The following SCN10A variants were observed in gnomAD, a reference collection of about 807,000 sequenced individuals.
SCN10A encodes the protein sodium channel protein type 10 subunit alpha.
A neutral mutation model predicts 170.7 loss-of-function variants in SCN10A; 162 were observed. The observed-to-expected ratio is 0.95, with a 90% confidence interval of 0.84 to 1.08. The LOEUF (loss-of-function observed/expected upper bound fraction) is 1.08, where lower values mean the gene tolerates loss of function less well. Ranked by LOEUF, SCN10A falls within the 50% of genes least tolerant of loss-of-function variation. The probability of loss-of-function intolerance (pLI) is 0.00; values close to 1 mark genes in which losing one functional copy is unlikely to be tolerated. For missense variants in SCN10A, 2,527 were observed against 2,436.9 expected (o/e 1.04, Z -0.78); for synonymous variants, 985 against 904.6 (o/e 1.09, Z -1.59).
At chr3:38,745,258 C>T (rs2063674197) in intron 13 of SCN10A, among the ~76,000 whole-genome samples, 1 of 152,102 alleles carries the variant, frequency 6.6e-6, no homozygotes, top group South Asian at 2.1e-4. Flanking sequence ...AAAAGGATCT[C>T]CTATATAAAA....
At chr3:38,715,690 C>G (rs572703392) in intron 21 of SCN10A, among the ~76,000 whole-genome samples, 6 of 152,296 alleles carry the variant, frequency 3.9e-5, no homozygotes, top group Admixed American at 1.3e-4. Context: ...CTCAACCACC[C>G]CACCCCAAGA....
At chr3:38,700,025 C>T (rs533576361) in intron 27 of SCN10A, among the ~76,000 whole-genome samples, 1 of 152,184 alleles carries the variant, frequency 6.6e-6, no homozygotes, top group East Asian at 1.9e-4. Context: ...TGTTTTATTT[C>T]TATATTACTG....
At chr3:38,775,757 G>A (rs1170264663) in intron 4 of SCN10A, among the ~76,000 whole-genome samples, 1 of 152,122 alleles carries the variant, frequency 6.6e-6, no homozygotes, top group Non-Finnish European at 1.5e-5. Context: ...TTAAATGCCA[G>A]TCACATTATA....
At chr3:38,729,160 T>C (rs2063489486) in intron 15 of SCN10A, among the ~76,000 whole-genome samples, 1 of 152,158 alleles carries the variant, frequency 6.6e-6, no homozygotes, top group Non-Finnish European at 1.5e-5. Context: ...ACTGGGGTGG[T>C]GGCCTTGCGA....
chr3:38,750,064 A>G lies in SCN10A; in HGVS notation c.1867+9T>C. 6.7e-7 allele frequency: 1 copy of G among 1,488,958 alleles called. No individual in the cohort carries two copies. Among genetic ancestry groups the G allele is most frequent in the South Asian group, 1.1e-5 (1 of 87,914 alleles). The allele number at this position is 1,488,958 out of a possible 1,614,324, so 92.2% of individuals were successfully genotyped here. A position where few individuals can be genotyped will look rare whatever the true frequency, so the allele number is the denominator to read the frequency against. Reference sequence around the variant, plus strand: ...ACAGTGGATGAACAATGCAGTGAGCAGCACTTACCCTCAAGGACGGAGGTT... The same window carrying G: ...ACAGTGGATGAACAATGCAGTGAGCGGCACTTACCCTCAAGGACGGAGGTT... On this transcript the variant is annotated intron_variant, in intron 13 of 27. Transcript: ENST00000449082.
intron 21 of SCN10A, among the ~76,000 whole-genome samples, chr3:38,716,512 C>T (rs776449588): frequency 2.0e-5 from 3 of 152,172 alleles, no homozygotes; most frequent in South Asian, 2.1e-4. Flanking sequence ...CTTCCCCAGC[C>T]ATGTGAAGCT....
intron 26 of SCN10A, among the ~76,000 whole-genome samples, chr3:38,706,182 T>G (rs1315244375): frequency 6.6e-6 from 1 of 152,236 alleles, no homozygotes. Flanking sequence ...TCATCACTTT[T>G]TTCTCTTGTA....
In SCN10A at chr3:38,698,246, G is replaced by A; in HGVS notation, c.4974C>T (p.Thr1658=). ...GGAGGCCATCCCAGCCGGCCGACGTGGTAATCTGGAAGAGGCACAGCATGC... is the reference window on the plus strand; with the variant it reads ...GGAGGCCATCCCAGCCGGCCGACGTAGTAATCTGGAAGAGGCACAGCATGC... ...ANSMLCLFQI[T]TSAGWDGLLS... is the part of the protein sequence containing the mutation. Residue 1658 remains threonine (T), a synonymous_variant, in exon 28 of 28, where the codon ACC becomes ACT. Transcript: ENST00000449082. The A allele has an allele frequency of 6.2e-7, 1 of 1,614,086 alleles. No individual in the cohort carries two copies. The highest frequency in any genetic ancestry group is 8.5e-7 in the Non-Finnish European group (1 of 1,180,008).
intron 13 of SCN10A, among the ~76,000 whole-genome samples, chr3:38,745,134 A>G (rs144663135): frequency 7.2e-4 from 110 of 152,302 alleles, no homozygotes; most frequent in Middle Eastern, 3.4e-3. Flanking sequence ...CATGATGGGA[A>G]AAGAGAGGCA....
chr3:38,762,396 T>C (rs2063884191), intron 6 of SCN10A, among the ~76,000 whole-genome samples: 1 of 151,778 alleles, frequency 6.6e-6, no homozygotes, highest in Admixed American at 6.6e-5. Context: ...GTGAGGAAGG[T>C]GGGAAAACCA....
At chr3:38,746,081 A>ATG (rs2063685935) in intron 13 of SCN10A, among the ~76,000 whole-genome samples, 8 of 93,160 alleles carry the variant, frequency 8.6e-5, no homozygotes, top group African/African-American at 2.1e-4. Flanking sequence ...ATATATATAT[A>ATG]TATATATATA....
intron 3 of SCN10A, among the ~76,000 whole-genome samples, chr3:38,791,371 A>G (rs73064564): frequency 0.11 from 16,045 of 152,210 alleles, 949 homozygotes; most frequent in Non-Finnish European, 0.12. Flanking sequence ...TTCTGACATT[A>G]CCTAAAACAA....
chr3:38,808,096 G>A (rs374027504), intron 1 of SCN10A, among the ~76,000 whole-genome samples: 5 of 152,038 alleles, frequency 3.3e-5, no homozygotes, highest in Non-Finnish European at 5.9e-5. Flanking sequence ...CATTCACATG[G>A]CACATAAGGC....
At chr3:38,785,267 C>G (rs2064184875) in intron 4 of SCN10A, among the ~76,000 whole-genome samples, 1 of 152,186 alleles carries the variant, frequency 6.6e-6, no homozygotes, top group African/African-American at 2.4e-5. Context: ...CAGCGAGGTA[C>G]TGGTACCAAA....
At chr3:38,781,234 C>T (rs998299719) in intron 4 of SCN10A, among the ~76,000 whole-genome samples, 2 of 152,030 alleles carry the variant, frequency 1.3e-5, no homozygotes, top group African/African-American at 4.8e-5. Flanking sequence ...GAAGAAGCTC[C>T]AAAGCACTTC....
At chr3:38,705,036 T>A (rs532031683) in intron 26 of SCN10A, among the ~76,000 whole-genome samples, 5 of 152,310 alleles carry the variant, frequency 3.3e-5, no homozygotes, top group African/African-American at 9.6e-5. Flanking sequence ...CATGTGGGTG[T>A]CAAAGATGTT....
At chr3:38,789,072 C>A (rs765540362) in intron 3 of SCN10A, 36 bp from the exon 4 acceptor site, 4 of 1,224,158 alleles carry the variant, frequency 3.3e-6, no homozygotes, top group East Asian at 4.7e-5. Flanking sequence ...CTGAGATCAC[C>A]AAGTCTCTGT....
chr3:38,806,565 C>A (rs1432096551), intron 1 of SCN10A, among the ~76,000 whole-genome samples: 1 of 152,104 alleles, frequency 6.6e-6, no homozygotes, highest in Non-Finnish European at 1.5e-5. Flanking sequence ...CTTTTGAATT[C>A]TTTGACCCTC....
chr3:38,808,163 T>TC (rs1374171556), intron 1 of SCN10A, among the ~76,000 whole-genome samples: 1 of 152,058 alleles, frequency 6.6e-6, no homozygotes, highest in African/African-American at 2.4e-5. Context: ...TTTCCTTGTT[T>TC]CCCCCCTAGT....
Sources: allele counts gnomAD v4.1 joint callset (sites outside exome capture counted in the v4.1 genomes callset), GRCh38; gene constraint gnomAD v4.1.1; transcripts MANE v1.5; gene names NCBI Gene and HGNC (gene_info 2026-07-23, HGNC 2026-07-21).